The following SRBD1 variants were observed in gnomAD, a reference collection of about 807,000 sequenced individuals.
SRBD1 encodes S1 RNA-binding domain-containing protein 1.
A neutral mutation model predicts 115.3 loss-of-function variants in SRBD1; 88 were observed. That is an observed-to-expected ratio of 0.76 (90% CI 0.64 to 0.91). The LOEUF is 0.91. Ranked by LOEUF, SRBD1 falls within the 40% of genes least tolerant of loss-of-function variation. SRBD1 has a pLI of 0.00. For synonymous variants in SRBD1, 509 were observed against 407.7 expected, an observed-to-expected ratio of 1.25 and a Z score of -2.99; for missense variants, 1,385 against 1,177.4, an observed-to-expected ratio of 1.18 and a Z score of -2.58.
At chr2:45,535,961 T>A (rs945782434) in intron 14 of SRBD1, among the ~76,000 whole-genome samples, 1 of 152,088 alleles carries the variant, frequency 6.6e-6, no homozygotes, top group Non-Finnish European at 1.5e-5. Flanking sequence ...GTAACTTCCC[T>A]CTTACACACA....
At chr2:45,518,754 C>T (rs1289086503) in intron 14 of SRBD1, among the ~76,000 whole-genome samples, 1 of 152,212 alleles carries the variant, frequency 6.6e-6, no homozygotes, top group East Asian at 1.9e-4. Context: ...ATAAAGGATA[C>T]AGCTGTATTG....
chr2:45,405,599 G>C (rs1203041680), intron 19 of SRBD1, among the ~76,000 whole-genome samples: 3 of 152,176 alleles, frequency 2.0e-5, no homozygotes, highest in East Asian at 1.9e-4. Context: ...AATCATCCAA[G>C]GAAGCAAGTA....
At chr2:45,399,662 T>C (rs1418190911) in intron 19 of SRBD1, among the ~76,000 whole-genome samples, 1 of 152,130 alleles carries the variant, frequency 6.6e-6, no homozygotes, top group Non-Finnish European at 1.5e-5. Flanking sequence ...AGATCTCTGA[T>C]AAACCTTGGC....
intron 16 of SRBD1, among the ~76,000 whole-genome samples, chr2:45,442,885 C>T (rs1668712897): frequency 6.6e-6 from 1 of 152,150 alleles, no homozygotes; most frequent in South Asian, 2.1e-4. Context: ...TTCTTTCCTT[C>T]TCTGGAGGCA....
chr2:45,417,572 A>G (rs1667869415), intron 18 of SRBD1, among the ~76,000 whole-genome samples: 1 of 152,218 alleles, frequency 6.6e-6, no homozygotes, highest in African/African-American at 2.4e-5. Flanking sequence ...CAAAATTATA[A>G]AGTCCATATG....
At chr2:45,449,797 C>A (rs187163021) in intron 16 of SRBD1, among the ~76,000 whole-genome samples, 136 of 152,242 alleles carry the variant, frequency 8.9e-4, no homozygotes, top group African/African-American at 3.2e-3. Context: ...CAGAAATAAG[C>A]GAGCTACAGT....
intron 4 of SRBD1, among the ~76,000 whole-genome samples, chr2:45,586,106 A>G (rs756498585): frequency 2.0e-5 from 3 of 152,226 alleles, no homozygotes; most frequent in Non-Finnish European, 4.4e-5. Context: ...TCACTTTGTC[A>G]GCATGAGAGC....
At chr2:45,466,040 T>C (rs1355912861) in intron 16 of SRBD1, among the ~76,000 whole-genome samples, 1 of 152,184 alleles carries the variant, frequency 6.6e-6, no homozygotes, top group African/African-American at 2.4e-5. Flanking sequence ...TCCTGGGAGC[T>C]GAAGATACAA....
intron 6 of SRBD1, among the ~76,000 whole-genome samples, chr2:45,580,662 C>A (rs1440915613): frequency 8.4e-6 from 1 of 119,720 alleles, no homozygotes; most frequent in Non-Finnish European, 1.7e-5. Context: ...CCTGGCCGGT[C>A]AATTCTTCTA....
In SRBD1 at chr2:45,581,707, C is replaced by G; in HGVS notation, c.919G>C (p.Glu307Gln). The G allele has an allele frequency of 6.2e-7, 1 of 1,612,440 alleles. No homozygotes were observed. Reference protein sequence around the residue: ...KAMLNCKTFEELEHVSAPYKT... With the variant: ...KAMLNCKTFEQLEHVSAPYKT... The stretch of plus-strand genomic sequence containing the variant: ...GGATTCCTTACCACGTGTTCTAGTT[C>G]TTCAAAAGTTTTACAATTCAGCATG... The change falls in exon 6 of 21, where the codon GAA becomes CAA. Residue 307 changes from glutamate (E) to glutamine (Q), a missense_variant. Physicochemically the swap from Glu to Gln is conservative, Grantham distance 29. Coordinates refer to ENST00000263736, the MANE Select transcript of SRBD1 (RefSeq NM_018079.5).
chr2:45,493,023 G>C (rs1486225594), intron 14 of SRBD1, among the ~76,000 whole-genome samples: 2 of 152,160 alleles, frequency 1.3e-5, no homozygotes, highest in Admixed American at 1.3e-4. Flanking sequence ...CTTTACAAAA[G>C]TATATTAGAA....
At chr2:45,564,487 T>C (rs77725884) in intron 9 of SRBD1, among the ~76,000 whole-genome samples, 7,643 of 152,228 alleles carry the variant, frequency 0.05, 601 homozygotes, top group African/African-American at 0.17. Context: ...TAACATGATC[T>C]TATATATAGA....
intron 9 of SRBD1, among the ~76,000 whole-genome samples, chr2:45,570,548 T>C (rs1252144839): frequency 6.6e-6 from 1 of 152,144 alleles, no homozygotes; most frequent in Non-Finnish European, 1.5e-5. Flanking sequence ...ATTCCATCCC[T>C]CCACAAAGGT....
At chr2:45,515,715 T>C (rs765946095) in intron 14 of SRBD1, among the ~76,000 whole-genome samples, 1 of 152,084 alleles carries the variant, frequency 6.6e-6, no homozygotes, top group Non-Finnish European at 1.5e-5. Context: ...GTTGTCTTAA[T>C]AGAGAAGGTA....
At chr2:45,611,139 T>C (rs537125156) in intron 1 of SRBD1, 80 bp downstream of exon 1, 2 of 152,204 alleles carry the variant, frequency 1.3e-5, no homozygotes, top group African/African-American at 4.8e-5. Flanking sequence ...ACTTTTTTAA[T>C]GGCCCCAAAG....
chr2:45,502,559 T>C (rs1335623541), intron 14 of SRBD1, among the ~76,000 whole-genome samples: 5 of 152,032 alleles, frequency 3.3e-5, no homozygotes, highest in African/African-American at 1.2e-4. Flanking sequence ...GAAACCATCA[T>C]TCTCAGCAAA....
intron 16 of SRBD1, among the ~76,000 whole-genome samples, chr2:45,457,269 A>G (rs543322575): frequency 6.6e-6 from 1 of 152,118 alleles, no homozygotes; most frequent in East Asian, 1.9e-4. Flanking sequence ...AGCTAAAATT[A>G]AAAATACCAT....
At chr2:45,410,483 G>T (rs1451063934) in intron 19 of SRBD1, among the ~76,000 whole-genome samples, 1 of 152,188 alleles carries the variant, frequency 6.6e-6, no homozygotes, top group African/African-American at 2.4e-5. Flanking sequence ...AATAAGCAAG[G>T]TTCATGTGAT....
intron 14 of SRBD1, among the ~76,000 whole-genome samples, chr2:45,503,227 G>A (rs1670691094): frequency 8.1e-6 from 1 of 122,946 alleles, no homozygotes; most frequent in Non-Finnish European, 1.8e-5. Context: ...AAGAAAACTT[G>A]CAACTGACTT....
Sources: gnomAD v4.1 joint callset for allele counts (sites outside exome capture counted in the v4.1 genomes callset) on GRCh38, gnomAD v4.1.1 for gene constraint, MANE v1.5 for transcripts, NCBI Gene and HGNC (gene_info 2026-07-23, HGNC 2026-07-21) for gene names.